TDRD9: variants seen among roughly 807,000 people sequenced by gnomAD.
TDRD9 encodes tudor domain containing 9.
Under a neutral mutation model 172.6 loss-of-function variants are expected in TDRD9, and 124 were observed. The ratio of observed to expected loss-of-function variants is 0.72; its 90% CI spans 0.62 to 0.83. The LOEUF (loss-of-function observed/expected upper bound fraction) is 0.83, where lower values mean the gene tolerates loss of function less well. TDRD9 is among the 40% of genes least tolerant of loss of function. TDRD9 has a pLI of 0.00. For synonymous variants in TDRD9, 619 were observed against 617.1 expected (o/e 1.00, Z -0.05); for missense variants, 1,479 against 1,714.1 (o/e 0.86, Z 2.42).
chr14:104,040,038 T>A (rs915359371), intron 32 of TDRD9, among the ~76,000 whole-genome samples, 158 bp from the exon 33 acceptor site: 7 of 152,338 alleles, frequency 4.6e-5, no homozygotes, highest in African/African-American at 1.7e-4. Flanking sequence ...TAACTATATT[T>A]TGATTGTGAA....
chr14:104,048,415 C>G (rs952887183), intron 34 of TDRD9, among the ~76,000 whole-genome samples: 1 of 152,030 alleles, frequency 6.6e-6, no homozygotes, highest in African/African-American at 2.4e-5. Context: ...GTTTTGTTTT[C>G]TTTATTCTTA....
In TDRD9 at chr14:103,928,546, T is replaced by C; in HGVS notation, c.37T>C (p.Trp13Arg). The C allele has an allele frequency of 7.2e-7, 1 of 1,391,400 alleles. No individual in the cohort carries two copies. The highest frequency in any genetic ancestry group is 3.3e-5 in the East Asian group (1 of 30,762). 86.2% of individuals were successfully genotyped at this position (1,391,400 alleles called of 1,614,324 possible). A position where few individuals can be genotyped will look rare whatever the true frequency, so the allele number is the denominator to read the frequency against. The change falls in exon 1 of 36, where the codon TGG becomes CGG. Residue 13 changes from tryptophan to arginine, a missense_variant. Physicochemically the swap from Trp to Arg is moderately radical, Grantham distance 101. Around this residue, in one of 3 missense-constraint regions of TDRD9, gnomAD observed 63 missense variants for 48.4 expected, o/e 1.30. Coordinates refer to ENST00000409874, the MANE Select transcript of TDRD9 (RefSeq NM_153046.3). ...GCTCACCATCGAGCAGATCAACGAC[T>C]GGTTCACCATCGGCAAGACGGTGAC... is the stretch of plus-strand genomic sequence containing the variant. ...RKLTIEQIND[W>R]FTIGKTVTNV...
intron 11 of TDRD9, among the ~76,000 whole-genome samples, chr14:103,995,278 T>C (rs543371034): frequency 2.4e-4 from 37 of 152,240 alleles, no homozygotes; most frequent in African/African-American, 8.9e-4. Context: ...AATGATGGAG[T>C]TGTTTTAACA....
chr14:103,937,285 C>T (rs2030831719), intron 1 of TDRD9, among the ~76,000 whole-genome samples: 1 of 152,288 alleles, frequency 6.6e-6, no homozygotes, highest in East Asian at 1.9e-4. Flanking sequence ...GTCACATTGG[C>T]ATTTTTTCTG....
At chr14:103,995,217 C>T (rs10132153) in intron 11 of TDRD9, among the ~76,000 whole-genome samples, 1 of 151,954 alleles carries the variant, frequency 6.6e-6, no homozygotes, top group African/African-American at 2.4e-5. Context: ...GGTTAGAAGC[C>T]ATATTCTAGG....
Position 103,928,482 on chromosome 14 carries a change from G to T in TDRD9, c.-28G>T. 2 of 1,429,580 alleles carry T rather than the reference G, an allele frequency of 1.4e-6. No homozygotes were observed. Among genetic ancestry groups the T allele is most frequent in the East Asian group, 3.2e-5 (1 of 30,850 alleles). 88.6% of individuals were successfully genotyped at this position (1,429,580 alleles called of 1,614,324 possible). A position where few individuals can be genotyped will look rare whatever the true frequency, so the allele number is the denominator to read the frequency against. ...TTCCCGCCGCGGAGACCCGGCAGTT[G>T]GGGGATGCCGACGCCTGGGCCTTGA... On this transcript the variant is annotated 5_prime_UTR_variant, in exon 1 of 36. Coordinates refer to ENST00000409874, the MANE Select transcript of TDRD9 (RefSeq NM_153046.3).
chr14:103,944,565 C>T (rs2152121521), intron 1 of TDRD9, among the ~76,000 whole-genome samples: 1 of 96,906 alleles, frequency 1.0e-5, no homozygotes, highest in Non-Finnish European at 1.8e-5. Flanking sequence ...TCCACCCCGC[C>T]CCCCACCCTT....
chr14:104,009,625 CTTTT>C (rs779920767), intron 20 of TDRD9, among the ~76,000 whole-genome samples: 3 of 152,240 alleles, frequency 2.0e-5, no homozygotes, highest in Non-Finnish European at 2.9e-5. Flanking sequence ...CTTAATATAA[CTTTT>C]TTTAACTTGA....
intron 1 of TDRD9, among the ~76,000 whole-genome samples, chr14:103,932,185 G>A (rs1185823859): frequency 5.9e-5 from 9 of 152,182 alleles, no homozygotes; most frequent in Admixed American, 3.3e-4. Flanking sequence ...ATGTTTTTGC[G>A]ATTTGTTGAG....
At chr14:103,977,726 G>A (rs2033312213) in intron 7 of TDRD9, among the ~76,000 whole-genome samples, 1 of 148,820 alleles carries the variant, frequency 6.7e-6, no homozygotes, top group African/African-American at 2.5e-5. Flanking sequence ...TGAGGTCTTA[G>A]CCATCAAATC....
At chr14:103,961,179 T>C (rs577110562) in intron 2 of TDRD9, among the ~76,000 whole-genome samples, 2 of 152,244 alleles carry the variant, frequency 1.3e-5, no homozygotes, top group African/African-American at 4.8e-5. Flanking sequence ...GCATCAGTAA[T>C]TACCATAGCA....
At chr14:103,928,802 C>T (rs1374623405) in intron 1 of TDRD9, 78 bp downstream of exon 1, 4 of 433,512 alleles carry the variant, frequency 9.2e-6, no homozygotes, top group Non-Finnish European at 1.1e-5. Flanking sequence ...CCATCCAGAT[C>T]CTTCTCGCGA....
intron 8 of TDRD9, among the ~76,000 whole-genome samples, chr14:103,986,798 A>T (rs2033675874): frequency 6.6e-6 from 1 of 152,214 alleles, no homozygotes; most frequent in Non-Finnish European, 1.5e-5. Context: ...GTTTTAGGTT[A>T]TAAGTGGTGA....
chr14:104,047,107 G>T (rs188931332), intron 34 of TDRD9, among the ~76,000 whole-genome samples: 1 of 152,316 alleles, frequency 6.6e-6, no homozygotes, highest in African/African-American at 2.4e-5. Flanking sequence ...CCTAACAGTA[G>T]TGAGCCATCC....
chr14:103,968,514 C>T (rs561831141), intron 5 of TDRD9, among the ~76,000 whole-genome samples: 7 of 152,080 alleles, frequency 4.6e-5, no homozygotes, highest in African/African-American at 7.2e-5. Flanking sequence ...GGGCCGGGCA[C>T]GGTGGCTCAC....
intron 30 of TDRD9, among the ~76,000 whole-genome samples, chr14:104,032,611 C>CT (rs1216484213): frequency 3.9e-5 from 6 of 152,206 alleles, no homozygotes; most frequent in African/African-American, 1.4e-4. Flanking sequence ...TTTTGAGTAT[C>CT]TTTTATCAAA....
intron 27 of TDRD9, among the ~76,000 whole-genome samples, chr14:104,026,438 A>T (rs2035120784): frequency 6.6e-6 from 1 of 152,252 alleles, no homozygotes; most frequent in Non-Finnish European, 1.5e-5. Context: ...AGACATAGTC[A>T]CACATGCCCT....
intron 2 of TDRD9, 70 bp downstream of exon 2, chr14:103,955,840 T>C: frequency 7.6e-7 from 1 of 1,310,036 alleles, no homozygotes; most frequent in East Asian, 2.6e-5. Context: ...ATTAGGTTCA[T>C]AGTGCATGCC....
Position 104,004,280 on chromosome 14 carries a change from T to C in TDRD9, c.1526T>C (p.Val509Ala), listed in dbSNP as rs76729958. ...TCTAGAGGGTACTGTTACCGGCTGGTACACAAGGATTTCTGGGACAACTCC... is the reference window on the plus strand; with the variant it reads ...TCTAGAGGGTACTGTTACCGGCTGGCACACAAGGATTTCTGGGACAACTCC... ...RVSRGYCYRL[V>A]HKDFWDNSIP... The change falls in exon 14 of 36, where the codon GTA becomes GCA. Residue 509 changes from valine to alanine, a missense_variant. Around this residue, in one of 3 missense-constraint regions of TDRD9, gnomAD observed 1,413 missense variants for 1,649.1 expected, o/e 0.86. Coordinates refer to ENST00000409874, the MANE Select transcript of TDRD9 (RefSeq NM_153046.3). The C allele has an allele frequency of 6.2e-7, 1 of 1,603,614 alleles. No homozygotes were observed. The highest frequency in any genetic ancestry group is 8.5e-7 in the Non-Finnish European group (1 of 1,173,698).
Sources: gnomAD v4.1 joint callset for allele counts (sites outside exome capture counted in the v4.1 genomes callset) on GRCh38, gnomAD v4.1.1 for gene constraint, gnomAD v4.1.1 regional missense constraint, MANE v1.5 for transcripts, NCBI Gene and HGNC (gene_info 2026-07-23, HGNC 2026-07-21) for gene names.